Variants in URI1 observed in about 807,000 individuals in gnomAD.
URI1 encodes the protein URI1 prefoldin like chaperone.
URI1 carries 39 observed loss-of-function variants against 60.2 expected under a neutral mutation model. The ratio of observed to expected loss-of-function variants is 0.65; its 90% CI spans 0.50 to 0.85. The LOEUF (loss-of-function observed/expected upper bound fraction) is 0.85, where lower values mean the gene tolerates loss of function less well. URI1 is among the 40% of genes least tolerant of loss of function. URI1 has a pLI of 0.00. For synonymous variants in URI1, 251 were observed against 236.8 expected (o/e 1.06, Z -0.55); for missense variants, 691 against 665.9 (o/e 1.04, Z -0.42).
At chr19:29,951,175 C>T (rs1555737357) in intron 1 of URI1, among the ~76,000 whole-genome samples, 2 of 152,136 alleles carry the variant, frequency 1.3e-5, no homozygotes, top group Non-Finnish European at 2.9e-5. Context: ...CACATAATGT[C>T]ATTTTTGTCC....
intron 1 of URI1, among the ~76,000 whole-genome samples, chr19:29,931,947 T>TGTGTGTGTGG (rs1555734373): frequency 6.8e-6 from 1 of 146,924 alleles, no homozygotes; most frequent in African/African-American, 2.5e-5. Context: ...TGTGTGTGTG[T>TGTGTGTGTGG]TGGGTGGGTA....
At chr19:29,953,154 A>C (rs1267178174) in intron 1 of URI1, among the ~76,000 whole-genome samples, 1 of 152,196 alleles carries the variant, frequency 6.6e-6, no homozygotes, top group Non-Finnish European at 1.5e-5. Context: ...TTTCACCATC[A>C]CGAGTGTCTT....
In URI1 at chr19:29,993,848, G is replaced by A. The variant is rs369315364; in HGVS notation, c.367+7431G>A. ...GATATTCTGTGCATTTACAGCCATAGACTTATGCATTCCTACCCCACCCTA... is the reference window on the plus strand; with the variant it reads ...GATATTCTGTGCATTTACAGCCATAAACTTATGCATTCCTACCCCACCCTA... On this transcript the variant is annotated intron_variant, in intron 4 of 10. Transcript: ENST00000392271. Among the ~76,000 whole-genome samples, 7 of 152,226 alleles carry A rather than the reference G, an allele frequency of 4.6e-5. No homozygotes were observed. In the South Asian group the frequency reaches 8.3e-4, roughly 18 times the overall value.
upstream of URI1, among the ~76,000 whole-genome samples, chr19:29,938,241 C>T (rs56940219): frequency 0.081 from 12,280 of 152,064 alleles, 692 homozygotes; most frequent in East Asian, 0.22. Context: ...AACACCTGCT[C>T]GGTTTCTGGT....
chr19:29,993,786 G>T (rs978738523), intron 4 of URI1, among the ~76,000 whole-genome samples: 3 of 152,068 alleles, frequency 2.0e-5, no homozygotes, highest in African/African-American at 4.8e-5. Flanking sequence ...CTCCCTGGAG[G>T]CATCGCTGTT....
chr19:29,956,376 G>A lies in URI1; in HGVS notation c.117+13712G>A. ...CACAAGTATGTCTTAGGAGTCATCT[G>A]GCATCTTCTTTCTGTAGCTGGATAA... On this transcript the variant is annotated intron_variant, in intron 1 of 10. Transcript: ENST00000392271. The A allele has an allele frequency of 2.2e-6, 3 of 1,354,424 alleles. No individual in the cohort carries two copies. The South Asian group carries it at 3.6e-5, about 16-fold the overall frequency. 83.9% of individuals were successfully genotyped at this position (1,354,424 alleles called of 1,614,324 possible).
In URI1 at chr19:29,942,679, C is replaced by A; in HGVS notation, c.117+15C>A. On this transcript the variant is annotated intron_variant, in intron 1 of 10. Transcript: ENST00000392271. Reference sequence around the variant, plus strand: ...AGCAGGAAAAGGTAACTAGCAGCCCCGCGCCGCTTCCGCCTCCGCCCGCCG... The same window carrying A: ...AGCAGGAAAAGGTAACTAGCAGCCCAGCGCCGCTTCCGCCTCCGCCCGCCG... 2 of 1,383,994 alleles carry A rather than the reference C, an allele frequency of 1.4e-6. No homozygotes were observed. Among genetic ancestry groups the A allele is most frequent in the Non-Finnish European group, 1.9e-6 (2 of 1,070,674 alleles). 85.7% of individuals were successfully genotyped at this position (1,383,994 alleles called of 1,614,324 possible). A position where few individuals can be genotyped will look rare whatever the true frequency, so the allele number is the denominator to read the frequency against.
intron 2 of URI1, among the ~76,000 whole-genome samples, chr19:29,980,597 G>T (rs1396741657): frequency 1.5e-4 from 14 of 92,868 alleles, no homozygotes; most frequent in Admixed American, 6.9e-4. Context: ...GAGAGTGATA[G>T]AAGATTTTTT....
At chr19:29,955,251 A>C (rs1310065717) in intron 1 of URI1, among the ~76,000 whole-genome samples, 1 of 151,890 alleles carries the variant, frequency 6.6e-6, no homozygotes, top group Non-Finnish European at 1.5e-5. Context: ...GGCGTGAGCC[A>C]CCGTGCCCGG....
In URI1 at chr19:29,951,409, C is replaced by CG. The variant is rs565689379; in HGVS notation, c.117+8745_117+8746insG. Among the ~76,000 whole-genome samples, 314 of 151,688 alleles carry CG rather than the reference C, an allele frequency of 2.1e-3. 2 individuals carry two copies. Among genetic ancestry groups the CG allele is most frequent in the South Asian group, 0.015 (71 of 4,782 alleles). On this transcript the variant is annotated intron_variant, in intron 1 of 10. Coordinates refer to ENST00000392271, the MANE Select transcript of URI1 (RefSeq NM_003796.3). ...GTTTTTCGAGCAACAAGAACTCTAG[C>CG]ACCCCCCCCTTTAGTTTCACAATAA... is the stretch of plus-strand genomic sequence containing the variant.
chr19:30,002,004 C>T (rs1235620836), intron 4 of URI1, among the ~76,000 whole-genome samples: 1 of 151,912 alleles, frequency 6.6e-6, no homozygotes, highest in African/African-American at 2.4e-5. Flanking sequence ...GGGGCACGTC[C>T]TGTTGAAGCT....
chr19:29,982,549 T>C (rs1172972397), intron 2 of URI1, among the ~76,000 whole-genome samples: 1 of 152,176 alleles, frequency 6.6e-6, no homozygotes, highest in African/African-American at 2.4e-5. Context: ...GAATTACTTA[T>C]CTGAAACATA....
At chr19:29,975,076 T>A (rs915945663) in intron 2 of URI1, among the ~76,000 whole-genome samples, 1 of 152,146 alleles carries the variant, frequency 6.6e-6, no homozygotes, top group Non-Finnish European at 1.5e-5. Context: ...AGAATGCTTT[T>A]TTTTTTTGGG....
intron 1 of URI1, among the ~76,000 whole-genome samples, chr19:29,936,026 T>A (rs1168334121): frequency 1.3e-5 from 2 of 152,166 alleles, no homozygotes; most frequent in African/African-American, 4.8e-5. Context: ...GACCTCATGA[T>A]CCACCTGCCT....
intron 1 of URI1, 53 bp downstream of exon 1, chr19:29,942,717 CT>C: frequency 7.4e-7 from 1 of 1,343,692 alleles, no homozygotes; most frequent in Non-Finnish European, 9.6e-7. Flanking sequence ...CTGCCCCTGC[CT>C]GTGCTCTGGG....
intron 6 of URI1, among the ~76,000 whole-genome samples, chr19:30,006,863 T>A (rs909783572): frequency 6.6e-6 from 1 of 152,100 alleles, no homozygotes; most frequent in African/African-American, 2.4e-5. Context: ...CCATCTTTTT[T>A]CCTCACATGA....
chr19:29,963,889 G>A (rs2055356999), intron 1 of URI1, among the ~76,000 whole-genome samples: 1 of 152,100 alleles, frequency 6.6e-6, no homozygotes, highest in South Asian at 2.1e-4. Flanking sequence ...TATTTCCTTG[G>A]AGGCTTCTGA....
At position 29,949,614 on chromosome 19, in the gene URI1, G is replaced by A. The variant is rs551038742; in HGVS notation, c.117+6950G>A. 1.4e-3 allele frequency among the ~76,000 whole-genome samples: 212 copies of A among 152,330 alleles called. 1 individual carries two copies. Among genetic ancestry groups the A allele is most frequent in the African/African-American group, 4.7e-3 (197 of 41,576 alleles). ...GATCACGCCACTGCACTCCAGCCTG[G>A]GCAACATTGAGCACTGAGTGAACGA... On this transcript the variant is annotated intron_variant, in intron 1 of 10. Transcript: ENST00000392271.
upstream of URI1, among the ~76,000 whole-genome samples, chr19:29,938,453 T>TC (rs2054992670): frequency 6.6e-6 from 1 of 152,084 alleles, no homozygotes; most frequent in South Asian, 2.1e-4. Flanking sequence ...CCCAAACACC[T>TC]CCCACTAGGC....
Sources: gnomAD v4.1 joint callset for allele counts (sites outside exome capture counted in the v4.1 genomes callset) on GRCh38, gnomAD v4.1.1 for gene constraint, MANE v1.5 for transcripts, NCBI Gene and HGNC (gene_info 2026-07-23, HGNC 2026-07-21) for gene names.